The following CRISPLD2 variants were observed in gnomAD, a reference collection of about 807,000 sequenced individuals.
The protein encoded by CRISPLD2 is cysteine-rich secretory protein LCCL domain-containing 2.
Under a neutral mutation model 71.1 loss-of-function variants are expected in CRISPLD2, and 47 were observed. That is an observed-to-expected ratio of 0.66 (90% CI 0.52 to 0.84). The LOEUF (loss-of-function observed/expected upper bound fraction) is 0.84, where lower values mean the gene tolerates loss of function less well. Ranked by LOEUF, CRISPLD2 falls within the 40% of genes least tolerant of loss-of-function variation. The pLI is 0.00. For synonymous variants in CRISPLD2, 317 were observed against 250.1 expected (o/e 1.27, Z -2.52); for missense variants, 830 against 651.1 (o/e 1.27, Z -2.99).
chr16:84,828,609 C>G (rs930118819), intron 1 of CRISPLD2, among the ~76,000 whole-genome samples: 1 of 152,102 alleles, frequency 6.6e-6, no homozygotes, highest in Non-Finnish European at 1.5e-5. Flanking sequence ...CACACGTCTT[C>G]AAGAAGGGAG....
chr16:84,831,621 G>C (rs1011131100), intron 1 of CRISPLD2, among the ~76,000 whole-genome samples: 1 of 152,022 alleles, frequency 6.6e-6, no homozygotes, highest in African/African-American at 2.4e-5. Flanking sequence ...TCCCAGGCTG[G>C]TCTCAAACTC....
intron 14 of CRISPLD2, among the ~76,000 whole-genome samples, chr16:84,902,437 G>C (rs1354362297): frequency 6.6e-6 from 1 of 151,216 alleles, no homozygotes; most frequent in Non-Finnish European, 1.5e-5. Context: ...GTGAAACCCC[G>C]TCTCTACTAA....
chr16:84,856,404 A>G (rs1337213539), intron 6 of CRISPLD2, among the ~76,000 whole-genome samples: 1 of 152,162 alleles, frequency 6.6e-6, no homozygotes, highest in Non-Finnish European at 1.5e-5. Flanking sequence ...GAGGAGCCCA[A>G]AGTGTCCAGG....
At chr16:84,848,907 A>G (rs1400311311) in intron 3 of CRISPLD2, among the ~76,000 whole-genome samples, 1 of 144,072 alleles carries the variant, frequency 6.9e-6, no homozygotes, top group Admixed American at 7.3e-5. Context: ...AATGGCGTGA[A>G]CCCGGGAGGC....
intron 1 of CRISPLD2, 110 bp from the exon 2 acceptor site, chr16:84,838,312 C>T (rs991486966): frequency 3.4e-5 from 24 of 697,816 alleles, no homozygotes; most frequent in Non-Finnish European, 5.1e-5. Flanking sequence ...CCTCAGTTTC[C>T]GCATCTGTAA....
intron 1 of CRISPLD2, among the ~76,000 whole-genome samples, chr16:84,825,077 A>C (rs1406473938): frequency 6.6e-6 from 1 of 152,164 alleles, no homozygotes; most frequent in East Asian, 1.9e-4. Context: ...ACTGCACTCC[A>C]GCCTGGGTGA....
At chr16:84,830,636 G>A (rs112770742) in intron 1 of CRISPLD2, among the ~76,000 whole-genome samples, 20,442 of 152,000 alleles carry the variant, frequency 0.13, 1,394 homozygotes, top group Middle Eastern at 0.16. Flanking sequence ...CCAGGCGGTG[G>A]AGGTTGCAGT....
intron 1 of CRISPLD2, among the ~76,000 whole-genome samples, chr16:84,828,689 G>A (rs1445534933): frequency 6.6e-6 from 1 of 152,116 alleles, no homozygotes; most frequent in Non-Finnish European, 1.5e-5. Flanking sequence ...TCCCTTAAAA[G>A]TGACTTTTCT....
chr16:84,896,406 A>G (rs895277538), intron 14 of CRISPLD2, among the ~76,000 whole-genome samples: 3 of 152,196 alleles, frequency 2.0e-5, no homozygotes, highest in Admixed American at 6.5e-5. Flanking sequence ...ACACACACAG[A>G]CACATACACA....
intron 2 of CRISPLD2, chr16:84,838,985 G>T (rs1209224106): frequency 1.6e-6 from 1 of 628,482 alleles, no homozygotes; most frequent in East Asian, 3.2e-5. Flanking sequence ...GACTCCCGGG[G>T]TTAAGCGATC....
intron 13 of CRISPLD2, among the ~76,000 whole-genome samples, chr16:84,888,968 G>A (rs2071637127): frequency 6.6e-6 from 1 of 152,232 alleles, no homozygotes; most frequent in African/African-American, 2.4e-5. Flanking sequence ...GTTCCCTGCT[G>A]AATTCCCCCA....
At chr16:84,904,603 A>C (rs75041563) in intron 14 of CRISPLD2, among the ~76,000 whole-genome samples, 66,415 of 147,838 alleles carry the variant, frequency 0.45, 15,522 homozygotes, top group South Asian at 0.59. Context: ...TAAAAAAAAA[A>C]ATTTAAAAAA....
chr16:84,832,150 C>A (rs1456374017), intron 1 of CRISPLD2, among the ~76,000 whole-genome samples: 2 of 152,280 alleles, frequency 1.3e-5, no homozygotes, highest in Admixed American at 6.5e-5. Context: ...AAAATCCCTT[C>A]AAACGATGCA....
At chr16:84,854,046 G>T (rs572317733) in intron 5 of CRISPLD2, among the ~76,000 whole-genome samples, 1 of 152,316 alleles carries the variant, frequency 6.6e-6, no homozygotes, top group East Asian at 1.9e-4. Flanking sequence ...GGAGGCAGAG[G>T]GCAACTGTGA....
chr16:84,860,003 G>A (rs974212237), intron 6 of CRISPLD2, among the ~76,000 whole-genome samples: 1 of 152,186 alleles, frequency 6.6e-6, no homozygotes, highest in African/African-American at 2.4e-5. Context: ...TTAGTCAAGG[G>A]TATATCTTCT....
At chr16:84,835,456 T>C (rs1916595558) in intron 1 of CRISPLD2, among the ~76,000 whole-genome samples, 1 of 152,188 alleles carries the variant, frequency 6.6e-6, no homozygotes, top group Non-Finnish European at 1.5e-5. Flanking sequence ...CATCCAGATC[T>C]GGAGGAGCCT....
chr16:84,827,672 T>G (rs1916388028), intron 1 of CRISPLD2, among the ~76,000 whole-genome samples: 2 of 151,902 alleles, frequency 1.3e-5, no homozygotes, highest in Admixed American at 1.3e-4. Flanking sequence ...ATTCAAGCGA[T>G]TCTCTTGCCT....
At position 84,845,896 on chromosome 16, in the gene CRISPLD2, C is replaced by A. The variant is rs1916901642; in HGVS notation, c.351C>A (p.His117Gln). Reference sequence around the variant, plus strand: ...CCATCGGGCAGAACCTGGGCGCTCACTGGGGCAGGTAAGAGCCACAAGTTC... The same window carrying A: ...CCATCGGGCAGAACCTGGGCGCTCAATGGGGCAGGTAAGAGCCACAAGTTC... ...LVSIGQNLGA[H>Q]WGRYRSPGFH... The change falls in exon 3 of 15, where the codon CAC (histidine) becomes CAA (glutamine). Residue 117 changes from histidine to glutamine, a missense_variant. His to Gln is a conservative substitution (Grantham distance 24). Transcript: ENST00000262424. 4.3e-6 allele frequency: 7 copies of A among 1,610,002 alleles called. No individual in the cohort carries two copies. Among genetic ancestry groups the A allele is most frequent in the Non-Finnish European group, 5.9e-6 (7 of 1,176,520 alleles).
chr16:84,879,538 T>C (rs1025379829), intron 12 of CRISPLD2, among the ~76,000 whole-genome samples: 2 of 152,148 alleles, frequency 1.3e-5, no homozygotes, highest in African/African-American at 4.8e-5. Flanking sequence ...AATTTTGTAT[T>C]TTTAGTAGAG....
Sources: gnomAD v4.1 joint callset for allele counts (sites outside exome capture counted in the v4.1 genomes callset) on GRCh38, gnomAD v4.1.1 for gene constraint, MANE v1.5 for transcripts, NCBI Gene and HGNC (gene_info 2026-07-23, HGNC 2026-07-21) for gene names.